The following PLSCR2 variants were observed in gnomAD, a reference collection of about 807,000 sequenced individuals.
PLSCR2 encodes phospholipid scramblase 2.
PLSCR2 carries 18 observed loss-of-function variants against 25.3 expected under a neutral mutation model. The observed-to-expected ratio is 0.71, with a 90% CI of 0.49 to 1.06. The LOEUF (loss-of-function observed/expected upper bound fraction) is 1.06, where lower values mean the gene tolerates loss of function less well. Among genes scored for constraint, PLSCR2 ranks in the 50% least tolerant of loss-of-function variants. The pLI is 0.00. For synonymous variants in PLSCR2, 88 were observed against 87.3 expected (o/e 1.01, Z -0.04); for missense variants, 243 against 269.5 (o/e 0.90, Z 0.69).
intron 2 of PLSCR2, among the ~76,000 whole-genome samples, chr3:146,423,974 G>A (rs2039248321): frequency 6.6e-6 from 1 of 151,980 alleles, no homozygotes; most frequent in African/African-American, 2.4e-5. Flanking sequence ...CTTAAACACA[G>A]AAATTTATTT....
chr3:146,468,048 C>A (rs2041946352), intron 1 of PLSCR2, among the ~76,000 whole-genome samples: 1 of 152,186 alleles, frequency 6.6e-6, no homozygotes, highest in Non-Finnish European at 1.5e-5. Context: ...TTATCCAAGA[C>A]AAGCCACTTA....
chr3:146,426,277 T>TTCCTTCTTTCCTTC, intron 2 of PLSCR2, among the ~76,000 whole-genome samples: 1 of 145,698 alleles, frequency 6.9e-6, no homozygotes, highest in South Asian at 2.2e-4. Flanking sequence ...TTCCTTCTTT[T>TTCCTTCTTTCCTTC]CTTCCTTCCT....
At chr3:146,486,996 C>T (rs967753182) in intron 1 of PLSCR2, among the ~76,000 whole-genome samples, 3 of 152,152 alleles carry the variant, frequency 2.0e-5, no homozygotes, top group Admixed American at 6.6e-5. Flanking sequence ...ACCCGGGATG[C>T]AAGGCTGGTT....
chr3:146,393,211 G>T (rs1390309793), intron 3 of PLSCR2, among the ~76,000 whole-genome samples: 1 of 150,938 alleles, frequency 6.6e-6, no homozygotes, highest in Non-Finnish European at 1.5e-5. Flanking sequence ...TGTATTTTCA[G>T]CAGAGACAGG....
intron 2 of PLSCR2, among the ~76,000 whole-genome samples, chr3:146,398,467 ATAAACT>A (rs2038346741): frequency 6.6e-6 from 1 of 151,708 alleles, no homozygotes; most frequent in Non-Finnish European, 1.5e-5. Context: ...TATAAGCTAC[ATAAACT>A]TATAGAGCTT....
At chr3:146,424,955 CAACTT>C (rs1380461342) in intron 2 of PLSCR2, among the ~76,000 whole-genome samples, 3 of 30,248 alleles carry the variant, frequency 9.9e-5, no homozygotes, top group African/African-American at 2.7e-4. Flanking sequence ...TGAAAGTTCT[CAACTT>C]AATAAGGAAA....
intron 2 of PLSCR2, among the ~76,000 whole-genome samples, chr3:146,424,915 G>T (rs768562827): frequency 1.3e-4 from 6 of 44,582 alleles, no homozygotes; most frequent in Non-Finnish European, 2.0e-4. Flanking sequence ...ATAAAGAGAA[G>T]ACATAAAGTG....
At chr3:146,483,495 A>ATATATATATATATACATGTG (rs1227332975) in intron 1 of PLSCR2, among the ~76,000 whole-genome samples, 3 of 113,086 alleles carry the variant, frequency 2.7e-5, no homozygotes, top group African/African-American at 1.0e-4. Context: ...ATATATATAT[A>ATATATATATATATACATGTG]TATATATATA....
chr3:146,423,282 T>TCTCTCTCTCTCTCCCC (rs758576585), intron 2 of PLSCR2, among the ~76,000 whole-genome samples: 5 of 100,960 alleles, frequency 5.0e-5, no homozygotes, highest in Non-Finnish European at 9.9e-5. Flanking sequence ...TCTCTCTCTC[T>TCTCTCTCTCTCTCCCC]CCCTGGCTAG....
At chr3:146,477,506 C>G (rs978544595) in intron 1 of PLSCR2, among the ~76,000 whole-genome samples, 1 of 152,246 alleles carries the variant, frequency 6.6e-6, no homozygotes, top group African/African-American at 2.4e-5. Flanking sequence ...TGAGATTGAC[C>G]TGCGAGGCAG....
intron 2 of PLSCR2, among the ~76,000 whole-genome samples, chr3:146,406,058 G>A (rs918045178): frequency 2.0e-5 from 3 of 151,976 alleles, no homozygotes; most frequent in African/African-American, 7.3e-5. Flanking sequence ...TAATCTCTAT[G>A]ATATGCTATA....
intron 1 of PLSCR2, 146 bp downstream of exon 1, chr3:146,469,349 T>C: frequency 1.0e-6 from 1 of 976,884 alleles, no homozygotes; most frequent in Non-Finnish European, 1.2e-6. Flanking sequence ...CGAGTTTCCG[T>C]TCCACTTCAG....
intron 2 of PLSCR2, among the ~76,000 whole-genome samples, chr3:146,399,536 G>A (rs2038387555): frequency 6.6e-6 from 1 of 151,716 alleles, no homozygotes; most frequent in South Asian, 2.1e-4. Flanking sequence ...GAATACATAA[G>A]AAACTTGTAA....
chr3:146,413,952 T>C (rs187358922), intron 2 of PLSCR2, among the ~76,000 whole-genome samples: 1 of 152,276 alleles, frequency 6.6e-6, no homozygotes, highest in East Asian at 1.9e-4. Flanking sequence ...CTGGGTAATA[T>C]ATAAAGAACA....
At chr3:146,423,654 A>G (rs2039237866) in intron 2 of PLSCR2, among the ~76,000 whole-genome samples, 1 of 152,040 alleles carries the variant, frequency 6.6e-6, no homozygotes, top group Non-Finnish European at 1.5e-5. Context: ...GGTACCCTTA[A>G]AATAGGTAGA....
chr3:146,489,762 G>A (rs541468011), intron 1 of PLSCR2, among the ~76,000 whole-genome samples: 1 of 152,138 alleles, frequency 6.6e-6, no homozygotes, highest in South Asian at 2.1e-4. Flanking sequence ...TGCCATTACA[G>A]AAGACCCACC....
intron 4 of PLSCR2, 130 bp from the exon 5 acceptor site, chr3:146,454,293 A>T (rs1469810413): frequency 2.0e-5 from 11 of 545,918 alleles, no homozygotes; most frequent in South Asian, 3.0e-5. Context: ...CTTTTTTTTT[A>T]AAGATTGAAT....
intron 6 of PLSCR2, among the ~76,000 whole-genome samples, chr3:146,447,754 C>T (rs184035839): frequency 6.6e-5 from 10 of 152,170 alleles, no homozygotes; most frequent in East Asian, 1.9e-4. Flanking sequence ...AGCACAGCAC[C>T]GGGAGTTGCC....
chr3:146,422,214 A>G (rs1371659871), intron 2 of PLSCR2, among the ~76,000 whole-genome samples: 3 of 152,086 alleles, frequency 2.0e-5, no homozygotes, highest in Non-Finnish European at 4.4e-5. Flanking sequence ...TGGTATGAGT[A>G]ATATTAAACA....
Sources: gnomAD v4.1 joint callset for allele counts (sites outside exome capture counted in the v4.1 genomes callset) on GRCh38, gnomAD v4.1.1 for gene constraint, MANE v1.5 for transcripts, NCBI Gene and HGNC (gene_info 2026-07-23, HGNC 2026-07-21) for gene names.